The following ZFPM2 variants were observed in gnomAD, a reference collection of about 807,000 sequenced individuals.
ZFPM2 encodes the protein zinc finger protein, FOG family member 2.
In ZFPM2, 20 loss-of-function variants were observed where a neutral mutation model predicts 98.6. That is an observed-to-expected ratio of 0.20 (90% CI 0.14 to 0.29). ZFPM2 has a LOEUF of 0.29. Among genes scored for constraint, ZFPM2 ranks in the 10% least tolerant of loss-of-function variants. The probability of loss-of-function intolerance (pLI) is 1.00; values close to 1 mark genes in which losing one functional copy is unlikely to be tolerated. For missense variants in ZFPM2, 1,310 were observed against 1,388.6 expected, an observed-to-expected ratio of 0.94 and a Z score of 0.90; for synonymous variants, 518 against 502.7, an observed-to-expected ratio of 1.03 and a Z score of -0.41.
chr8:105,625,381 C>T (rs1816632602), intron 4 of ZFPM2, among the ~76,000 whole-genome samples: 1 of 152,002 alleles, frequency 6.6e-6, no homozygotes, highest in Non-Finnish European at 1.5e-5. Context: ...CTGAAATCTC[C>T]TTATATATAG....
chr8:105,565,303 A>G (rs1225403556), intron 4 of ZFPM2, among the ~76,000 whole-genome samples: 1 of 152,196 alleles, frequency 6.6e-6, no homozygotes, highest in Non-Finnish European at 1.5e-5. Context: ...TTGGAATTAT[A>G]TAACACACTG....
chr8:105,390,322 C>A (rs900847808), intron 1 of ZFPM2, among the ~76,000 whole-genome samples: 5 of 152,148 alleles, frequency 3.3e-5, no homozygotes, highest in African/African-American at 9.7e-5. Context: ...ATACTTATGA[C>A]AGTACTTTTA....
intron 5 of ZFPM2, among the ~76,000 whole-genome samples, chr8:105,717,728 A>T (rs1350269200): frequency 2.6e-5 from 4 of 151,968 alleles, no homozygotes; most frequent in African/African-American, 4.8e-5. Flanking sequence ...TAAAAATATT[A>T]ATGTATGGAT....
chr8:105,623,864 A>C (rs1163795717), intron 4 of ZFPM2, among the ~76,000 whole-genome samples: 1 of 152,100 alleles, frequency 6.6e-6, no homozygotes, highest in Non-Finnish European at 1.5e-5. Context: ...CACTTTCTCT[A>C]AAAGGGTTAA....
chr8:105,617,304 G>C (rs186358902), intron 4 of ZFPM2, among the ~76,000 whole-genome samples: 1 of 151,962 alleles, frequency 6.6e-6, no homozygotes, highest in Non-Finnish European at 1.5e-5. Flanking sequence ...TCTTTACTGA[G>C]GCTTCTTTTT....
At chr8:105,562,014 AAGTAATGG>A (rs1815149051) in intron 4 of ZFPM2, among the ~76,000 whole-genome samples, 1 of 152,036 alleles carries the variant, frequency 6.6e-6, no homozygotes, top group Non-Finnish European at 1.5e-5. Context: ...GATGTTTTAA[AAGTAATGG>A]AGGCTGGGCA....
chr8:105,761,246 C>T (rs930053133), intron 5 of ZFPM2, among the ~76,000 whole-genome samples: 2 of 152,016 alleles, frequency 1.3e-5, no homozygotes, highest in African/African-American at 4.8e-5. Flanking sequence ...CTACACCTTT[C>T]TTTTAAGAGC....
chr8:105,553,582 T>G (rs966666055), intron 3 of ZFPM2, among the ~76,000 whole-genome samples: 3 of 152,182 alleles, frequency 2.0e-5, no homozygotes, highest in African/African-American at 7.2e-5. Flanking sequence ...AATTACAAGC[T>G]AATTCAGTGC....
At chr8:105,351,782 A>G (rs1812651300) in intron 1 of ZFPM2, among the ~76,000 whole-genome samples, 1 of 152,062 alleles carries the variant, frequency 6.6e-6, no homozygotes, top group Admixed American at 6.6e-5. Flanking sequence ...TTTAATATTC[A>G]AATTCATTGC....
intron 3 of ZFPM2, among the ~76,000 whole-genome samples, chr8:105,517,739 A>ACACACACACACACACC (rs1563695463): frequency 4.7e-5 from 7 of 150,262 alleles, no homozygotes; most frequent in African/African-American, 1.5e-4. Context: ...ACACACACAC[A>ACACACACACACACACC]CACCCCTAGT....
intron 1 of ZFPM2, among the ~76,000 whole-genome samples, chr8:105,341,130 A>G (rs1444839374): frequency 6.6e-6 from 1 of 151,930 alleles, no homozygotes; most frequent in Non-Finnish European, 1.5e-5. Flanking sequence ...AATGGAGTTA[A>G]GTTGGGATAA....
At chr8:105,727,931 G>C (rs184507681) in intron 5 of ZFPM2, among the ~76,000 whole-genome samples, 2 of 149,590 alleles carry the variant, frequency 1.3e-5, no homozygotes, top group Admixed American at 1.3e-4. Flanking sequence ...AAGATGTAAA[G>C]TAAAGTAAGA....
intron 3 of ZFPM2, among the ~76,000 whole-genome samples, chr8:105,446,774 TAAC>T (rs1341830213): frequency 3.9e-5 from 6 of 152,252 alleles, no homozygotes; most frequent in Admixed American, 1.3e-4. Context: ...ATAAAATAAA[TAAC>T]AATTTTTTTC....
chr8:105,598,141 A>C (rs369307598), intron 4 of ZFPM2, among the ~76,000 whole-genome samples: 1 of 144,354 alleles, frequency 6.9e-6, no homozygotes, highest in Non-Finnish European at 1.5e-5. Flanking sequence ...GCAGGGAGTG[A>C]GCTGTGTTCT....
chr8:105,457,445 A>G (rs1812614202), intron 3 of ZFPM2, among the ~76,000 whole-genome samples: 1 of 152,242 alleles, frequency 6.6e-6, no homozygotes, highest in Admixed American at 6.5e-5. Context: ...GGATCAAGCG[A>G]TGACTTAGTC....
intron 4 of ZFPM2, among the ~76,000 whole-genome samples, chr8:105,611,884 G>T (rs1372646651): frequency 7.2e-5 from 11 of 151,892 alleles, no homozygotes; most frequent in African/African-American, 2.2e-4. Flanking sequence ...ATTTTTTAGA[G>T]ATGGGGTTTT....
chr8:105,746,546 C>A (rs138948072), intron 5 of ZFPM2, among the ~76,000 whole-genome samples: 66 of 151,634 alleles, frequency 4.4e-4, no homozygotes, highest in Non-Finnish European at 7.5e-4. Context: ...ATAAGAAAAG[C>A]TATAAATATA....
intron 5 of ZFPM2, among the ~76,000 whole-genome samples, chr8:105,654,753 C>G (rs561876439): frequency 6.6e-6 from 1 of 152,064 alleles, no homozygotes; most frequent in East Asian, 1.9e-4. Flanking sequence ...AGGAGAGATG[C>G]CTGAACTTAT....
At chr8:105,619,259 G>T (rs1317291465) in intron 4 of ZFPM2, among the ~76,000 whole-genome samples, 1 of 151,978 alleles carries the variant, frequency 6.6e-6, no homozygotes, top group African/African-American at 2.4e-5. Flanking sequence ...ATGTGTGTTT[G>T]GTCATGGACC....
Sources: gnomAD v4.1 joint callset for allele counts (sites outside exome capture counted in the v4.1 genomes callset) on GRCh38, gnomAD v4.1.1 for gene constraint, MANE v1.5 for transcripts, NCBI Gene and HGNC (gene_info 2026-07-23, HGNC 2026-07-21) for gene names.